AK5: variants seen among roughly 807,000 people sequenced by gnomAD.
AK5 encodes adenylate kinase 5.
Under a neutral mutation model 69.5 loss-of-function variants are expected in AK5, and 27 were observed. That is an observed-to-expected ratio of 0.39 (90% CI 0.29 to 0.54). The LOEUF (loss-of-function observed/expected upper bound fraction) is 0.54, where lower values mean the gene tolerates loss of function less well. Among genes scored for constraint, AK5 ranks in the 20% least tolerant of loss-of-function variants. The probability of loss-of-function intolerance (pLI) is 0.71; values close to 1 mark genes in which losing one functional copy is unlikely to be tolerated. For synonymous variants in AK5, 260 were observed against 244.4 expected, an observed-to-expected ratio of 1.06 and a Z score of -0.60; for missense variants, 531 against 700.4, an observed-to-expected ratio of 0.76 and a Z score of 2.73.
intron 3 of AK5, among the ~76,000 whole-genome samples, chr1:77,295,143 T>C (rs1335924731): frequency 6.6e-6 from 1 of 152,218 alleles, no homozygotes; most frequent in African/African-American, 2.4e-5. Context: ...GAATCACCTT[T>C]CACAGAGATG....
intron 10 of AK5, among the ~76,000 whole-genome samples, chr1:77,499,464 G>T (rs1007031957): frequency 2.0e-5 from 3 of 152,152 alleles, no homozygotes; most frequent in African/African-American, 7.2e-5. Flanking sequence ...TTACTGCCAC[G>T]CATCCACCCA....
Position 77,304,735 on chromosome 1 carries a change from C to T in AK5, c.699+6788C>T, listed in dbSNP as rs897587690. On this transcript the variant is annotated intron_variant, in intron 5 of 13. Coordinates refer to ENST00000354567, the MANE Select transcript of AK5 (RefSeq NM_174858.3). ...TACCACATTTGCTTTATCCATTCATCTGTGGATGAACACTTAGTTTGCTTG... is the reference window on the plus strand; with the variant it reads ...TACCACATTTGCTTTATCCATTCATTTGTGGATGAACACTTAGTTTGCTTG... Among the ~76,000 whole-genome samples, 21 of 152,340 alleles carry T rather than the reference C, an allele frequency of 1.4e-4. No individual in the cohort carries two copies. The South Asian group carries it at 4.3e-3, about 32-fold the overall frequency.
intron 8 of AK5, among the ~76,000 whole-genome samples, chr1:77,424,172 TA>T (rs1651035079): frequency 6.6e-6 from 1 of 152,202 alleles, no homozygotes; most frequent in South Asian, 2.1e-4. Context: ...AATTACAAGG[TA>T]TGTCAAAAGG....
chr1:77,351,415 T>G (rs868558357), intron 6 of AK5, among the ~76,000 whole-genome samples: 21 of 152,068 alleles, frequency 1.4e-4, no homozygotes, highest in African/African-American at 3.1e-4. Flanking sequence ...AATAAATATA[T>G]GAATAGCTAT....
At chr1:77,367,569 A>ATATATTATATATGT (rs1646980173) in intron 6 of AK5, among the ~76,000 whole-genome samples, 1 of 31,642 alleles carries the variant, frequency 3.2e-5, no homozygotes, top group Non-Finnish European at 6.3e-5. Context: ...ATATATATAT[A>ATATATTATATATGT]TATATATATA....
At chr1:77,320,224 T>C (rs1470476348) in intron 5 of AK5, among the ~76,000 whole-genome samples, 1 of 152,180 alleles carries the variant, frequency 6.6e-6, no homozygotes, top group Non-Finnish European at 1.5e-5. Flanking sequence ...AATGCCCCCA[T>C]GATTCAATTA....
chr1:77,500,044 A>G (rs895284989), intron 10 of AK5, among the ~76,000 whole-genome samples: 1 of 152,076 alleles, frequency 6.6e-6, no homozygotes, highest in African/African-American at 2.4e-5. Context: ...TGTGACTAAT[A>G]CAGACCCATT....
At chr1:77,427,275 A>G (rs1651275425) in intron 8 of AK5, among the ~76,000 whole-genome samples, 1 of 152,090 alleles carries the variant, frequency 6.6e-6, no homozygotes, top group Admixed American at 6.5e-5. Context: ...CCAAGGAAAA[A>G]ATAGAGAAAC....
Position 77,362,529 on chromosome 1 carries a change from C to G in AK5, c.891+21961C>G, listed in dbSNP as rs1267084002. Among the ~76,000 whole-genome samples the G allele has an allele frequency of 5.3e-5, 8 of 152,044 alleles. No individual in the cohort carries two copies. In the South Asian group the frequency reaches 1.5e-3, roughly 28 times the overall value. On this transcript the variant is annotated intron_variant, in intron 6 of 13. Coordinates refer to ENST00000354567, the MANE Select transcript of AK5 (RefSeq NM_174858.3). ...TAGCCTATACTTCCTTATTGTATAC[C>G]AAAAAACCCAAAAGATTATAAATAA...
At chr1:77,470,846 TATATATATATATATATATATATATA>T (rs1461311016) in intron 8 of AK5, among the ~76,000 whole-genome samples, 2,806 of 27,154 alleles carry the variant, frequency 0.1, 356 homozygotes, top group Non-Finnish European at 0.12. Flanking sequence ...TATATATATA[TATATATATATATATATATATATATA>T]TATATTTTTT....
chr1:77,445,386 G>C (rs960405784), intron 8 of AK5, among the ~76,000 whole-genome samples: 11 of 152,000 alleles, frequency 7.2e-5, no homozygotes, highest in Non-Finnish European at 4.4e-5. Flanking sequence ...TAGGGATGTT[G>C]AGTACCTTTT....
At chr1:77,543,796 C>T (rs1659400588) in intron 13 of AK5, among the ~76,000 whole-genome samples, 3 of 152,052 alleles carry the variant, frequency 2.0e-5, no homozygotes, top group Non-Finnish European at 2.9e-5. Flanking sequence ...GGGATGCTGG[C>T]CAGATTCCAT....
At chr1:77,470,826 AATATATATAT>A (rs71075744) in intron 8 of AK5, among the ~76,000 whole-genome samples, 12 of 51,164 alleles carry the variant, frequency 2.3e-4, no homozygotes, top group African/African-American at 8.0e-4. Flanking sequence ...GCACATTTAG[AATATATATAT>A]ATATATATAT....
chr1:77,376,586 A>T (rs1476744136), intron 6 of AK5, among the ~76,000 whole-genome samples: 1 of 151,390 alleles, frequency 6.6e-6, no homozygotes, highest in East Asian at 1.9e-4. Flanking sequence ...TTTTAATGTT[A>T]TATTTACTGA....
At chr1:77,485,291 C>A (rs147105058) in intron 9 of AK5, among the ~76,000 whole-genome samples, 2 of 152,314 alleles carry the variant, frequency 1.3e-5, no homozygotes, top group East Asian at 3.9e-4. Flanking sequence ...CCAGCTCTTT[C>A]TCCTCTCTTT....
intron 5 of AK5, among the ~76,000 whole-genome samples, chr1:77,332,395 A>C (rs1363828899): frequency 6.8e-6 from 1 of 147,418 alleles, no homozygotes; most frequent in Non-Finnish European, 1.5e-5. Context: ...AAAAGGTCTA[A>C]ATTTTTCTTT....
chr1:77,492,073 T>C (rs957189972), intron 10 of AK5, among the ~76,000 whole-genome samples: 2 of 152,240 alleles, frequency 1.3e-5, no homozygotes, highest in Non-Finnish European at 2.9e-5. Context: ...CAGTGTTCAC[T>C]TTTAAAAGCA....
At chr1:77,534,240 CAG>C (rs1357758327) in intron 12 of AK5, among the ~76,000 whole-genome samples, 1 of 152,278 alleles carries the variant, frequency 6.6e-6, no homozygotes, top group East Asian at 1.9e-4. Context: ...GTGGCAAGGT[CAG>C]GGGGAGTAAT....
chr1:77,504,919 A>G (rs1656940875), intron 10 of AK5, among the ~76,000 whole-genome samples: 1 of 152,198 alleles, frequency 6.6e-6, no homozygotes, highest in Admixed American at 6.5e-5. Context: ...TTGTGTTGTC[A>G]TAATACATTA....
Sources: gnomAD v4.1 joint callset for allele counts (sites outside exome capture counted in the v4.1 genomes callset) on GRCh38, gnomAD v4.1.1 for gene constraint, MANE v1.5 for transcripts, NCBI Gene and HGNC (gene_info 2026-07-23, HGNC 2026-07-21) for gene names.